Variants in WIPF1 observed in about 807,000 individuals in gnomAD.
WIPF1 encodes WAS/WASL interacting protein family member 1, also known as WAS/WASL-interacting protein family member 1.
WIPF1 carries 13 observed loss-of-function variants against 35.4 expected under a neutral mutation model. That is an observed-to-expected ratio of 0.37 (90% CI 0.24 to 0.58). WIPF1 has a LOEUF of 0.58. Among genes scored for constraint, WIPF1 ranks in the 20% least tolerant of loss-of-function variants. The pLI is 0.74. For missense variants in WIPF1, 591 were observed against 667.0 expected, an observed-to-expected ratio of 0.89 and a Z score of 1.25; for synonymous variants, 267 against 266.3, an observed-to-expected ratio of 1.00 and a Z score of -0.02.
chr2:174,589,511 C>T (rs1685538710), intron 1 of WIPF1, among the ~76,000 whole-genome samples: 1 of 152,212 alleles, frequency 6.6e-6, no homozygotes, highest in African/African-American at 2.4e-5. Flanking sequence ...ATCAGAGCCA[C>T]AGCCAGATCT....
chr2:174,633,794 C>G (rs186258023), intron 1 of WIPF1, among the ~76,000 whole-genome samples: 2 of 152,308 alleles, frequency 1.3e-5, no homozygotes, highest in Admixed American at 1.3e-4. Context: ...TCACACCTCA[C>G]GGCCTCTTCA....
intron 1 of WIPF1, chr2:174,665,561 G>T (rs1687873728): frequency 6.6e-6 from 1 of 152,206 alleles, no homozygotes. Flanking sequence ...ATTTAAATAA[G>T]TATTTTTCAA....
At chr2:174,669,974 T>C (rs1289980457) in intron 1 of WIPF1, among the ~76,000 whole-genome samples, 19 of 152,162 alleles carry the variant, frequency 1.2e-4, no homozygotes, top group Non-Finnish European at 8.8e-5. Context: ...TGAATTAAGA[T>C]GTAGGACATG....
intron 1 of WIPF1, among the ~76,000 whole-genome samples, chr2:174,610,315 G>C (rs964452132): frequency 6.6e-6 from 1 of 152,142 alleles, no homozygotes; most frequent in Non-Finnish European, 1.5e-5. Flanking sequence ...GCTCCGTGTT[G>C]ACTCTTTTCC....
intron 1 of WIPF1, among the ~76,000 whole-genome samples, chr2:174,593,020 T>C (rs1685672281): frequency 6.6e-6 from 1 of 152,172 alleles, no homozygotes. Context: ...TTCTTCAAGA[T>C]TTCTTTTTTT....
At chr2:174,631,187 G>A (rs983393445) in intron 1 of WIPF1, among the ~76,000 whole-genome samples, 2 of 152,172 alleles carry the variant, frequency 1.3e-5, no homozygotes, top group African/African-American at 4.8e-5. Context: ...AGCAGCATTA[G>A]TCACAACAGC....
At chr2:174,678,275 T>C (rs779699469) in intron 1 of WIPF1, among the ~76,000 whole-genome samples, 2 of 152,174 alleles carry the variant, frequency 1.3e-5, no homozygotes, top group African/African-American at 2.4e-5. Flanking sequence ...TATATACCCA[T>C]AGTAAGCAAT....
At chr2:174,667,703 C>T (rs1011359354) in intron 1 of WIPF1, among the ~76,000 whole-genome samples, 3 of 152,214 alleles carry the variant, frequency 2.0e-5, no homozygotes, top group African/African-American at 7.2e-5. Context: ...GCTTAAAGCT[C>T]TTCCTCCCAG....
At chr2:174,563,840 T>C (rs539065121) in intron 7 of WIPF1, among the ~76,000 whole-genome samples, 1 of 152,294 alleles carries the variant, frequency 6.6e-6, no homozygotes, top group East Asian at 1.9e-4. Context: ...ATAGGGACCC[T>C]ACTGGTCCAC....
intron 1 of WIPF1, among the ~76,000 whole-genome samples, chr2:174,627,497 T>A (rs1194345299): frequency 1.3e-5 from 2 of 148,438 alleles, no homozygotes; most frequent in Admixed American, 6.7e-5. Context: ...CTCCCTTCCT[T>A]CCTCCCTTCC....
chr2:174,677,059 T>A (rs557742444), intron 1 of WIPF1: 44 of 151,732 alleles, frequency 2.9e-4, no homozygotes, highest in African/African-American at 1.0e-3. Flanking sequence ...GAGGCTAAGG[T>A]AGGAGGATCA....
intron 1 of WIPF1, among the ~76,000 whole-genome samples, chr2:174,671,964 C>T (rs1688028283): frequency 6.6e-6 from 1 of 152,194 alleles, no homozygotes; most frequent in South Asian, 2.1e-4. Flanking sequence ...CTGTGACCCA[C>T]ACCCTATTTG....
chr2:174,649,227 A>T (rs1447122106), intron 1 of WIPF1, among the ~76,000 whole-genome samples: 1 of 152,234 alleles, frequency 6.6e-6, no homozygotes, highest in Non-Finnish European at 1.5e-5. Context: ...ATAAATGGCA[A>T]CTAGCTACTT....
At chr2:174,641,997 C>T (rs2105948459) in intron 1 of WIPF1, among the ~76,000 whole-genome samples, 1 of 152,268 alleles carries the variant, frequency 6.6e-6, no homozygotes, top group South Asian at 2.1e-4. Flanking sequence ...GACTCAGAGC[C>T]TAACTGCTAC....
intron 3 of WIPF1, among the ~76,000 whole-genome samples, chr2:174,577,827 G>A (rs1198473433): frequency 6.6e-6 from 1 of 151,830 alleles, no homozygotes; most frequent in East Asian, 1.9e-4. Context: ...GCTGAGGTGG[G>A]AGGATCCCTT....
At chr2:174,642,671 A>G (rs1460800182) in intron 1 of WIPF1, among the ~76,000 whole-genome samples, 1 of 148,044 alleles carries the variant, frequency 6.8e-6, no homozygotes, top group Non-Finnish European at 1.5e-5. Flanking sequence ...TGTTGTTGAG[A>G]CTGGGTCTCC....
At chr2:174,661,877 G>T (rs1687768803) in intron 1 of WIPF1, among the ~76,000 whole-genome samples, 1 of 152,170 alleles carries the variant, frequency 6.6e-6, no homozygotes. Flanking sequence ...GTCTGGGGGG[G>T]TGTGGCTGCC....
At chr2:174,619,492 T>A (rs1221142238) in intron 1 of WIPF1, among the ~76,000 whole-genome samples, 1 of 152,230 alleles carries the variant, frequency 6.6e-6, no homozygotes, top group Non-Finnish European at 1.5e-5. Context: ...CTAATGTCAA[T>A]ATCTTTATAC....
At chr2:174,654,396 T>A (rs1263346524) in intron 1 of WIPF1, among the ~76,000 whole-genome samples, 1 of 152,202 alleles carries the variant, frequency 6.6e-6, no homozygotes, top group Non-Finnish European at 1.5e-5. Context: ...GTGTATTAAC[T>A]GCTCAGTTTC....
Sources: gnomAD v4.1 joint callset for allele counts (sites outside exome capture counted in the v4.1 genomes callset) on GRCh38, gnomAD v4.1.1 for gene constraint, MANE v1.5 for transcripts, NCBI Gene and HGNC (gene_info 2026-07-23, HGNC 2026-07-21) for gene names.